The following KCTD8 variants were observed in gnomAD, a reference collection of about 807,000 sequenced individuals.
KCTD8 encodes the protein potassium channel tetramerization domain containing 8.
In KCTD8, 27 loss-of-function variants were observed where a neutral mutation model predicts 31.5. The observed-to-expected ratio is 0.86, with a 90% confidence interval of 0.63 to 1.18. The LOEUF (loss-of-function observed/expected upper bound fraction) is 1.18. KCTD8 is among the 50% of genes most tolerant of loss of function. KCTD8 has a pLI of 0.00. For missense variants in KCTD8, 658 were observed against 647.7 expected (o/e 1.02, Z -0.17); for synonymous variants, 290 against 280.0 (o/e 1.04, Z -0.36).
At chr4:44,438,506 T>A (rs1721735041) in intron 1 of KCTD8, among the ~76,000 whole-genome samples, 2 of 152,216 alleles carry the variant, frequency 1.3e-5, no homozygotes, top group African/African-American at 4.8e-5. Context: ...TATTTTTAAT[T>A]GTGTCATAAT....
chr4:44,296,367 G>A (rs1262744019), intron 1 of KCTD8, among the ~76,000 whole-genome samples: 1 of 151,238 alleles, frequency 6.6e-6, no homozygotes, highest in African/African-American at 2.5e-5. Context: ...CCTGTAATTG[G>A]CCTTGGAAAT....
chr4:44,266,861 G>A (rs1196141334), intron 1 of KCTD8, among the ~76,000 whole-genome samples: 1 of 151,726 alleles, frequency 6.6e-6, no homozygotes, highest in Admixed American at 6.6e-5. Flanking sequence ...AAATATATAG[G>A]CACCCAATAC....
intron 1 of KCTD8, among the ~76,000 whole-genome samples, chr4:44,294,498 C>G (rs1306652769): frequency 6.6e-6 from 1 of 152,176 alleles, no homozygotes; most frequent in African/African-American, 2.4e-5. Flanking sequence ...CCGTCCAGCA[C>G]CATTGCAACC....
chr4:44,282,373 T>C (rs1407657911), intron 1 of KCTD8, among the ~76,000 whole-genome samples: 1 of 152,136 alleles, frequency 6.6e-6, no homozygotes, highest in East Asian at 1.9e-4. Flanking sequence ...TCAAAGATGA[T>C]AAACTTAATT....
intron 1 of KCTD8, among the ~76,000 whole-genome samples, chr4:44,339,155 C>T (rs1718831630): frequency 6.6e-6 from 1 of 152,148 alleles, no homozygotes; most frequent in African/African-American, 2.4e-5. Flanking sequence ...AACAGTAACT[C>T]ATGTCTTATT....
intron 1 of KCTD8, among the ~76,000 whole-genome samples, chr4:44,232,761 A>G (rs1163733422): frequency 6.6e-6 from 1 of 152,164 alleles, no homozygotes; most frequent in Admixed American, 6.5e-5. Flanking sequence ...AGTAGCTGCT[A>G]TGTTTTATTT....
At chr4:44,298,886 G>GA (rs942203318) in intron 1 of KCTD8, among the ~76,000 whole-genome samples, 3 of 151,940 alleles carry the variant, frequency 2.0e-5, no homozygotes, top group African/African-American at 7.3e-5. Context: ...CAGACCTTTT[G>GA]AAAAAAGCTA....
At chr4:44,341,304 G>A (rs538330435) in intron 1 of KCTD8, among the ~76,000 whole-genome samples, 3 of 152,198 alleles carry the variant, frequency 2.0e-5, no homozygotes, top group African/African-American at 7.2e-5. Context: ...TGCAGACTGA[G>A]AAGGGTGGTG....
chr4:44,260,671 A>C (rs1716135086), intron 1 of KCTD8, among the ~76,000 whole-genome samples: 1 of 151,968 alleles, frequency 6.6e-6, no homozygotes, highest in Admixed American at 6.6e-5. Context: ...CATCACGTTT[A>C]GAATTTTCAA....
chr4:44,361,881 C>T (rs999141711), intron 1 of KCTD8, among the ~76,000 whole-genome samples: 1 of 151,930 alleles, frequency 6.6e-6, no homozygotes, highest in Non-Finnish European at 1.5e-5. Context: ...ACCTTATAGT[C>T]AGAAAACCAG....
At chr4:44,393,827 T>C (rs1313195897) in intron 1 of KCTD8, among the ~76,000 whole-genome samples, 1 of 151,892 alleles carries the variant, frequency 6.6e-6, no homozygotes, top group East Asian at 1.9e-4. Context: ...TCTTATTCTG[T>C]AGAAGCTTAG....
intron 1 of KCTD8, among the ~76,000 whole-genome samples, chr4:44,237,612 GT>G (rs1477391450): frequency 6.6e-6 from 1 of 152,114 alleles, no homozygotes; most frequent in Admixed American, 6.5e-5. Flanking sequence ...ATTTCAACTG[GT>G]TTGCAACTTG....
chr4:44,416,219 G>A (rs1374244745), intron 1 of KCTD8, among the ~76,000 whole-genome samples: 3 of 152,206 alleles, frequency 2.0e-5, no homozygotes, highest in African/African-American at 7.2e-5. Flanking sequence ...CTCATTTTTA[G>A]AAGAGGAATG....
intron 1 of KCTD8, among the ~76,000 whole-genome samples, chr4:44,311,432 C>G (rs1233470836): frequency 1.3e-5 from 2 of 152,012 alleles, no homozygotes; most frequent in Non-Finnish European, 2.9e-5. Flanking sequence ...AAAAATTGTT[C>G]ATTCAACCTC....
At chr4:44,443,611 A>G (rs1721865413) in intron 1 of KCTD8, among the ~76,000 whole-genome samples, 1 of 152,222 alleles carries the variant, frequency 6.6e-6, no homozygotes. Context: ...AAACAAAAAA[A>G]GATATACCAA....
intron 1 of KCTD8, among the ~76,000 whole-genome samples, chr4:44,397,642 T>C (rs2109454177): frequency 1.3e-5 from 2 of 152,310 alleles, no homozygotes; most frequent in East Asian, 3.9e-4. Flanking sequence ...CTGAATAATT[T>C]GAATAATTTT....
intron 1 of KCTD8, among the ~76,000 whole-genome samples, chr4:44,294,202 A>G (rs1422873483): frequency 6.6e-6 from 1 of 152,192 alleles, no homozygotes; most frequent in African/African-American, 2.4e-5. Flanking sequence ...ACTACTGTAA[A>G]TACATCCTTC....
chr4:44,346,066 TAAAG>T (rs1719029765), intron 1 of KCTD8, among the ~76,000 whole-genome samples: 1 of 152,178 alleles, frequency 6.6e-6, no homozygotes, highest in African/African-American at 2.4e-5. Flanking sequence ...GCTACCTTCT[TAAAG>T]AAACAGTATG....
chr4:44,202,179 T>C (rs1714170261), intron 1 of KCTD8, among the ~76,000 whole-genome samples: 1 of 152,146 alleles, frequency 6.6e-6, no homozygotes, highest in Non-Finnish European at 1.5e-5. Context: ...GGAATACGTG[T>C]ACACTGTTGG....
Sources: gnomAD v4.1 joint callset for allele counts (sites outside exome capture counted in the v4.1 genomes callset) on GRCh38, gnomAD v4.1.1 for gene constraint, MANE v1.5 for transcripts, NCBI Gene and HGNC (gene_info 2026-07-23, HGNC 2026-07-21) for gene names.